Variants in TIMELESS observed in about 807,000 individuals in gnomAD.
TIMELESS encodes protein timeless homolog.
In TIMELESS, 124 loss-of-function variants were observed where a neutral mutation model predicts 164.3. That is an observed-to-expected ratio of 0.75 (90% CI 0.65 to 0.88). The LOEUF is 0.88. Among genes scored for constraint, TIMELESS ranks in the 40% least tolerant of loss-of-function variants. The pLI is 0.00. For synonymous variants in TIMELESS, 564 were observed against 563.4 expected (o/e 1.00, Z -0.02); for missense variants, 1,422 against 1,491.4 (o/e 0.95, Z 0.77).
At chr12:56,438,212 A>G (rs144371762) in intron 1 of TIMELESS, among the ~76,000 whole-genome samples, 18 of 152,014 alleles carry the variant, frequency 1.2e-4, no homozygotes, top group African/African-American at 4.1e-4. Context: ...CACCCAGCTA[A>G]TTTTGTATTT....
At chr12:56,435,972 A>G (rs1041829809) in intron 1 of TIMELESS, among the ~76,000 whole-genome samples, 49 of 151,830 alleles carry the variant, frequency 3.2e-4, no homozygotes, top group African/African-American at 1.1e-3. Flanking sequence ...AAAAAAAAAA[A>G]AAAAGAAACA....
At chr12:56,418,849 G>A (rs1313429167) in intron 26 of TIMELESS, among the ~76,000 whole-genome samples, 1 of 151,624 alleles carries the variant, frequency 6.6e-6, no homozygotes, top group East Asian at 1.9e-4. Context: ...TTACAGGCAT[G>A]AGCCACTACA....
In TIMELESS at chr12:56,433,361, T is replaced by C; in HGVS notation, c.429+20A>G. ...CAAAATGCTGTCCCATGGTATCCTG[T>C]AAGGTGAAGACTCACTCACCAGCTG... On this transcript the variant is annotated intron_variant, in intron 5 of 28. Transcript: ENST00000553532. 3.1e-6 allele frequency: 5 copies of C among 1,613,174 alleles called. No individual in the cohort carries two copies. The highest frequency in any genetic ancestry group is 4.2e-6 in the Non-Finnish European group (5 of 1,179,112).
intron 1 of TIMELESS, among the ~76,000 whole-genome samples, chr12:56,438,044 ATTTT>A (rs113700259): frequency 1.1e-4 from 16 of 144,836 alleles, no homozygotes; most frequent in African/African-American, 3.8e-4. Context: ...CTTGATAAAC[ATTTT>A]TTTTTTTTTC....
Position 56,433,597 on chromosome 12 carries a change from C to T in TIMELESS, c.307G>A (p.Glu103Lys). The part of the protein sequence containing the change: ...ALLCFGNLPK[E>K]PSFRHHFLQV... Reference sequence around the variant, plus strand: ...AAAAAATGGTGCCGAAAGCTGGGCTCCTTAGGCAGATTGCCAAAACAGAGC... The same window carrying T: ...AAAAAATGGTGCCGAAAGCTGGGCTTCTTAGGCAGATTGCCAAAACAGAGC... Residue 103 changes from glutamate (E) to lysine (K), a missense_variant, in exon 4 of 29, where the codon GAG becomes AAG. Glu to Lys is a moderately conservative substitution (Grantham distance 56). Coordinates refer to ENST00000553532, the MANE Select transcript of TIMELESS (RefSeq NM_003920.5). 6.2e-7 allele frequency: 1 copy of T among 1,614,196 alleles called. No individual in the cohort carries two copies. The highest frequency in any genetic ancestry group is 8.5e-7 in the Non-Finnish European group (1 of 1,180,044).
intron 1 of TIMELESS, among the ~76,000 whole-genome samples, chr12:56,447,184 T>G (rs1026918799): frequency 5.3e-4 from 1 of 1,880 alleles, no homozygotes; most frequent in Non-Finnish European, 2.9e-3. Context: ...TAATTTTTGT[T>G]TTTTTTTTTT....
Position 56,417,910 on chromosome 12 carries a change from T to A in TIMELESS, c.3553A>T (p.Arg1185Ter), listed in dbSNP as rs139395794. ...EEQEEDEGRN[R>*]APELGAPGIQ... ...AAGGTCCCATCAAATTCCCTACCTC[T>A]GTTCCTGCCCTCATCTTCTTCCTGT... The change falls in exon 28 of 29, where the codon AGA becomes TGA. Residue 1185 changes from arginine to a stop codon, truncating the protein, a stop_gained. Transcript: ENST00000553532. LOFTEE classifies it high-confidence loss of function. 1 of 1,614,240 alleles carries A rather than the reference T, an allele frequency of 6.2e-7. No individual in the cohort carries two copies. The highest frequency in any genetic ancestry group is 2.2e-5 in the East Asian group (1 of 44,888).
intron 1 of TIMELESS, among the ~76,000 whole-genome samples, chr12:56,438,825 T>C (rs150088622): frequency 2.6e-3 from 357 of 139,228 alleles, no homozygotes; most frequent in Non-Finnish European, 4.1e-3. Flanking sequence ...TACTGACTGA[T>C]ACATGCCATG....
At chr12:56,425,885 T>A (rs551499287) in intron 13 of TIMELESS, among the ~76,000 whole-genome samples, 1 of 151,382 alleles carries the variant, frequency 6.6e-6, no homozygotes, top group Non-Finnish European at 1.5e-5. Flanking sequence ...AAAAAATAAA[T>A]AAATAAATAA....
chr12:56,430,716 C>G (rs1201081238), intron 9 of TIMELESS, among the ~76,000 whole-genome samples, 165 bp downstream of exon 9: 1 of 151,852 alleles, frequency 6.6e-6, no homozygotes, highest in Non-Finnish European at 1.5e-5. Flanking sequence ...GTTGCCCAGT[C>G]TGATCTTGAA....
At chr12:56,420,006 C>CAAAAAAAAAAAAAAA (rs57647901) in intron 26 of TIMELESS, among the ~76,000 whole-genome samples, 1 of 13,286 alleles carries the variant, frequency 7.5e-5, no homozygotes, top group Non-Finnish European at 1.1e-4. Flanking sequence ...GACTCTGTCT[C>CAAAAAAAAAAAAAAA]AAAAAAAAAA....
intron 13 of TIMELESS, among the ~76,000 whole-genome samples, chr12:56,426,851 C>T (rs1036501807): frequency 2.0e-5 from 3 of 151,908 alleles, no homozygotes; most frequent in African/African-American, 7.3e-5. Context: ...TGAGCCACCG[C>T]GCCTGGCCCA....
intron 12 of TIMELESS, 48 bp downstream of exon 12, chr12:56,428,500 CA>C (rs1221599516): frequency 1.2e-6 from 2 of 1,609,982 alleles, no homozygotes; most frequent in Non-Finnish European, 8.5e-7. Flanking sequence ...ATGAGATTCT[CA>C]TCACGAGATG....
At chr12:56,435,756 G>A (rs1163651462) in intron 1 of TIMELESS, among the ~76,000 whole-genome samples, 1 of 151,674 alleles carries the variant, frequency 6.6e-6, no homozygotes, top group Non-Finnish European at 1.5e-5. Flanking sequence ...TCAGGAGATT[G>A]ACACCATCCT....
At chr12:56,423,534 C>A (rs780759497) in intron 17 of TIMELESS, 50 bp downstream of exon 17, 6 of 1,612,952 alleles carry the variant, frequency 3.7e-6, no homozygotes, top group Non-Finnish European at 5.1e-6. Flanking sequence ...CTCATCCTCA[C>A]AGCCGCACAA....
chr12:56,439,391 CTTTTT>C (rs67588306), intron 1 of TIMELESS, among the ~76,000 whole-genome samples: 22 of 136,416 alleles, frequency 1.6e-4, no homozygotes, highest in African/African-American at 6.0e-4. Flanking sequence ...CAGGGGTTTT[CTTTTT>C]TTTTTTTTTT....
In TIMELESS at chr12:56,428,594, T is replaced by A. The variant is rs774027; in HGVS notation, c.1363A>T (p.Ile455Leu). 732,653 of 1,613,532 alleles carry A rather than the reference T, an allele frequency of 0.45. 172,069 individuals are homozygous for A. Among genetic ancestry groups the A allele is most frequent in the East Asian group, 0.68 (30,493 of 44,854 alleles). Residue 455 changes from isoleucine (I) to leucine (L), a missense_variant, in exon 12 of 29, where the codon ATA becomes TTA. Transcript: ENST00000553532. The stretch of plus-strand genomic sequence containing the variant: ...TCCCTCACAGCCTCATCTGGAGATA[T>A]GTCCATCTCATTCACTGTTGCCAGC... ...ELLATVNEMD[I>L]SPDEAVRESS...
intron 9 of TIMELESS, 102 bp from the exon 10 acceptor site, chr12:56,430,383 T>G: frequency 1.5e-6 from 2 of 1,361,220 alleles, no homozygotes; most frequent in South Asian, 1.4e-5. Flanking sequence ...GTTTTTCTTT[T>G]GAGACAAGAA....
chr12:56,431,665 C>T, intron 7 of TIMELESS, 61 bp from the exon 8 acceptor site: 1 of 1,570,820 alleles, frequency 6.4e-7, no homozygotes, highest in Admixed American at 2.0e-5. Context: ...TGAGTTCACG[C>T]CTACTGGGGA....
Sources: allele counts gnomAD v4.1 joint callset (sites outside exome capture counted in the v4.1 genomes callset), GRCh38; gene constraint gnomAD v4.1.1; transcripts MANE v1.5; gene names NCBI Gene and HGNC (gene_info 2026-07-23, HGNC 2026-07-21).